DNA2: variants seen among roughly 807,000 people sequenced by gnomAD.
DNA2 encodes the protein DNA replication helicase/nuclease 2, also known as DNA replication ATP-dependent helicase/nuclease DNA2.
A neutral mutation model predicts 119.1 loss-of-function variants in DNA2; 101 were observed. That is an observed-to-expected ratio of 0.85 (90% CI 0.72 to 1.00). The LOEUF is 1.00. Ranked by LOEUF, DNA2 falls within the 50% of genes least tolerant of loss-of-function variation. The pLI is 0.00. For missense variants in DNA2, 1,121 were observed against 1,255.5 expected (o/e 0.89, Z 1.62); for synonymous variants, 366 against 424.4 (o/e 0.86, Z 1.69).
chr10:68,446,281 A>T lies in DNA2; in HGVS notation c.1057+15T>A. 1 of 1,496,106 alleles carries T rather than the reference A, an allele frequency of 6.7e-7. No individual in the cohort carries two copies. Among genetic ancestry groups the T allele is most frequent in the Non-Finnish European group, 9.1e-7 (1 of 1,103,476 alleles). The allele number at this position is 1,496,106 out of a possible 1,614,324, so 92.7% of individuals were successfully genotyped here. On this transcript the variant is annotated intron_variant, in intron 7 of 20. Coordinates refer to ENST00000358410, the MANE Select transcript of DNA2 (RefSeq NM_001080449.3). Reference sequence around the variant, plus strand: ...GGTGGGCAAAGAAGTAAAACTAAAAAAAAAACGGCTCAACCTCTTTTATCT... The same window carrying T: ...GGTGGGCAAAGAAGTAAAACTAAAATAAAAACGGCTCAACCTCTTTTATCT...
intron 5 of DNA2, among the ~76,000 whole-genome samples, chr10:68,456,645 C>G (rs2052185690): frequency 6.6e-6 from 1 of 151,976 alleles, no homozygotes; most frequent in Admixed American, 6.6e-5. Context: ...AACTCCTGAG[C>G]CAGTTGATAC....
upstream of DNA2, chr10:68,472,229 G>A: frequency 1.7e-6 from 2 of 1,208,850 alleles, no homozygotes; most frequent in Non-Finnish European, 2.1e-6. Context: ...CAAGTAGCTG[G>A]GACTACAGGC....
intron 2 of DNA2, among the ~76,000 whole-genome samples, chr10:68,469,094 G>A (rs1057439212): frequency 5.9e-5 from 9 of 152,040 alleles, no homozygotes; most frequent in African/African-American, 1.7e-4. Context: ...CGGCTTAGAC[G>A]AAGAGTCAAA....
At chr10:68,453,887 T>A (rs561491494) in intron 5 of DNA2, among the ~76,000 whole-genome samples, 63 of 152,224 alleles carry the variant, frequency 4.1e-4, no homozygotes, top group Non-Finnish European at 8.5e-4. Flanking sequence ...ATCATTAAGC[T>A]AGCATGAGTG....
intron 5 of DNA2, among the ~76,000 whole-genome samples, chr10:68,455,233 A>G (rs1045433750): frequency 1.2e-4 from 18 of 151,944 alleles, no homozygotes; most frequent in African/African-American, 4.1e-4. Context: ...CCATCACGCC[A>G]GGCCGATAAA....
chr10:68,468,140 G>A lies in DNA2; in HGVS notation c.424C>T (p.Leu142=). 1.3e-6 allele frequency: 2 copies of A among 1,598,788 alleles called. No individual in the cohort carries two copies. Among genetic ancestry groups the A allele is most frequent in the Non-Finnish European group, 1.7e-6 (2 of 1,173,532 alleles). ...SSIRCMRRAV[L]SETFRSSDPA... is the part of the protein sequence containing the mutation. ...TTATTTACCCTAAAAGTTTCACTCA[G>A]GACAGCTCTTCTCATACATCGAATA... is the stretch of plus-strand genomic sequence containing the variant. The change falls in exon 3 of 21, where the codon CTG becomes TTG. Residue 142 remains leucine, a synonymous_variant. Coordinates refer to ENST00000358410, the MANE Select transcript of DNA2 (RefSeq NM_001080449.3).
intron 20 of DNA2, among the ~76,000 whole-genome samples, chr10:68,415,747 G>A (rs1487010266): frequency 1.3e-5 from 2 of 151,784 alleles, no homozygotes; most frequent in Non-Finnish European, 2.9e-5. Flanking sequence ...TCCGCCTCCC[G>A]GGTGCAAGCG....
At position 68,459,215 on chromosome 10, in the gene DNA2, T is replaced by G. The variant is rs1206758919; in HGVS notation, c.608A>C (p.Gln203Pro). 1 of 1,559,322 alleles carries G rather than the reference T, an allele frequency of 6.4e-7. No individual in the cohort carries two copies. Among genetic ancestry groups the G allele is most frequent in the East Asian group, 2.4e-5 (1 of 42,492 alleles). Residue 203 changes from glutamine (Q) to proline (P), a missense_variant, in exon 5 of 21, where the codon CAA (glutamine) becomes CCA (proline). By Grantham distance (76) the Gln-to-Pro change is moderately conservative (BLOSUM62 -1). Coordinates refer to ENST00000358410, the MANE Select transcript of DNA2 (RefSeq NM_001080449.3). Reference protein sequence around the residue: ...LKEMYRLNLSQDEIKQEVEDY... With the variant: ...LKEMYRLNLSPDEIKQEVEDY... ...CTCTACTTCTTGTTTTATTTCATCT[T>G]GACTTAGATTTAAGCGGTACCTGCC...
chr10:68,442,925 A>G lies in DNA2; in HGVS notation c.1407T>C (p.Ala469=), dbSNP rs371205567. The G allele has an allele frequency of 2.5e-6, 4 of 1,609,976 alleles. No individual in the cohort carries two copies. The African/African-American group carries it at 5.4e-5, about 22-fold the overall frequency. ...KNHQNIWLMP[A]SEMEKSGSCI... ...CTAAATGGACCACTTACATTTCCGA[A>G]GCAGGCATTAGCCAGATATTTTGGT... is the stretch of plus-strand genomic sequence containing the variant. Residue 469 remains alanine, a synonymous_variant, in exon 9 of 21, where the codon GCT becomes GCC. Transcript: ENST00000358410.
intron 7 of DNA2, 103 bp from the exon 8 acceptor site, chr10:68,445,186 C>T (rs575878283): frequency 2.5e-5 from 27 of 1,091,024 alleles, no homozygotes; most frequent in South Asian, 1.5e-4. Context: ...ATTTTAGGGC[C>T]GGGCACAATG....
chr10:68,431,531 C>T (rs914283371), intron 13 of DNA2, among the ~76,000 whole-genome samples: 9 of 152,126 alleles, frequency 5.9e-5, no homozygotes, highest in Admixed American at 1.3e-4. Flanking sequence ...GTGATCCGCC[C>T]GCCTTGGCCT....
chr10:68,470,062 T>G lies in DNA2; in HGVS notation c.176A>C (p.Glu59Ala). The change falls in exon 2 of 21, where the codon GAG becomes GCG. Residue 59 changes from glutamate (E) to alanine (A), a missense_variant. Glu to Ala is a moderately radical substitution (Grantham distance 107). Coordinates refer to ENST00000358410, the MANE Select transcript of DNA2 (RefSeq NM_001080449.3). ...GACCAGGCGCTTTTCACAGTTTCCC[T>G]CTTTGTTCTGTACAGTATTGACTGC... ...VLAVNTVQNK[E>A]GNCEKRLVIT... 1 of 1,613,900 alleles carries G rather than the reference T, an allele frequency of 6.2e-7. No homozygotes were observed. The highest frequency in any genetic ancestry group is 8.5e-7 in the Non-Finnish European group (1 of 1,179,860).
chr10:68,466,216 C>G (rs934769371), intron 3 of DNA2, among the ~76,000 whole-genome samples: 1 of 151,876 alleles, frequency 6.6e-6, no homozygotes, highest in African/African-American at 2.4e-5. Flanking sequence ...TTAGTAGAGG[C>G]AGGGTTTCAC....
At chr10:68,443,429 A>G (rs575236289) in intron 8 of DNA2, among the ~76,000 whole-genome samples, 2 of 152,342 alleles carry the variant, frequency 1.3e-5, no homozygotes, top group Admixed American at 6.5e-5. Context: ...AAAAATCACA[A>G]TATTTGTACA....
In DNA2 at chr10:68,448,964, T is replaced by TGCGC. The variant is rs1554907479; in HGVS notation, c.939+1063_939+1064insGCGC. Reference sequence around the variant, plus strand: ...GTGTGTGTGTGTGTGTGTGTGTGTGTGTGCGTGTGTGTGTGTGTGTGTAGT... The same window carrying TGCGC: ...GTGTGTGTGTGTGTGTGTGTGTGTGTGCGCGTGCGTGTGTGTGTGTGTGTGTAGT... On this transcript the variant is annotated intron_variant, in intron 6 of 20. Transcript: ENST00000358410. Among the ~76,000 whole-genome samples, 320 of 59,870 alleles carry TGCGC rather than the reference T, an allele frequency of 5.3e-3. 3 individuals are homozygous for TGCGC. Among genetic ancestry groups the TGCGC allele is most frequent in the African/African-American group, 0.014 (300 of 21,830 alleles). 39.3% of individuals were successfully genotyped at this position (59,870 alleles called of 152,430 possible). A position where few individuals can be genotyped will look rare whatever the true frequency, so the allele number is the denominator to read the frequency against.
intron 18 of DNA2, among the ~76,000 whole-genome samples, 174 bp downstream of exon 18, chr10:68,419,629 C>T (rs1022730779): frequency 6.6e-6 from 1 of 152,152 alleles, no homozygotes; most frequent in Non-Finnish European, 1.5e-5. Context: ...CTCCAAATGT[C>T]ATTATAAAAT....
rs1037353147 is a variant in DNA2, at chr10:68,414,891, A to G, written c.*148T>C. ...AGGCAAAAATGCATGCATAGAACCC[A>G]TAAATTCAGACTTTTCACAGTTTTC... On this transcript the variant is annotated 3_prime_UTR_variant, in exon 21 of 21. Transcript: ENST00000358410. 3.8e-5 allele frequency: 19 copies of G among 497,250 alleles called. No individual in the cohort carries two copies. The highest frequency in any genetic ancestry group is 2.9e-4 in the African/African-American group (15 of 51,240). The allele number at this position is 497,250 out of a possible 1,614,324, so 30.8% of individuals were successfully genotyped here.
intron 14 of DNA2, among the ~76,000 whole-genome samples, chr10:68,424,213 T>C (rs957543391): frequency 6.6e-6 from 1 of 152,028 alleles, no homozygotes; most frequent in Non-Finnish European, 1.5e-5. Context: ...ACTAAAAATA[T>C]GATAACTGGG....
intron 9 of DNA2, among the ~76,000 whole-genome samples, chr10:68,442,127 C>T (rs1214277869): frequency 1.3e-5 from 2 of 151,910 alleles, no homozygotes; most frequent in African/African-American, 2.4e-5. Context: ...GTTGCCCAGG[C>T]GGGTCTCAAA....
Sources: gnomAD v4.1 joint callset for allele counts (sites outside exome capture counted in the v4.1 genomes callset) on GRCh38, gnomAD v4.1.1 for gene constraint, MANE v1.5 for transcripts, NCBI Gene and HGNC (gene_info 2026-07-23, HGNC 2026-07-21) for gene names.